Variants in CHFR observed in about 807,000 individuals in gnomAD.
CHFR encodes the protein E3 ubiquitin-protein ligase CHFR.
Under a neutral mutation model 87.6 loss-of-function variants are expected in CHFR, and 57 were observed. That is an observed-to-expected ratio of 0.65 (90% CI 0.53 to 0.81). The LOEUF (loss-of-function observed/expected upper bound fraction) is 0.81, where lower values mean the gene tolerates loss of function less well. CHFR is among the 30% of genes least tolerant of loss of function. The pLI, the probability that CHFR is intolerant of heterozygous loss-of-function variation, is 0.00. For missense variants in CHFR, 797 were observed against 865.8 expected (o/e 0.92, Z 1.00); for synonymous variants, 381 against 359.2 (o/e 1.06, Z -0.69).
At chr12:132,876,544 C>T (rs890008027) in intron 3 of CHFR, among the ~76,000 whole-genome samples, 158 of 152,192 alleles carry the variant, frequency 1.0e-3, no homozygotes, top group East Asian at 1.9e-4. Flanking sequence ...TGTACAAGAA[C>T]GAGAATTTAT....
intron 5 of CHFR, among the ~76,000 whole-genome samples, chr12:132,870,110 T>C (rs765292975): frequency 2.0e-5 from 3 of 151,676 alleles, no homozygotes; most frequent in African/African-American, 7.3e-5. Flanking sequence ...CCCAGCACTT[T>C]GGGAGGCTGA....
intron 2 of CHFR, among the ~76,000 whole-genome samples, chr12:132,884,423 A>AAG (rs1951840113): frequency 6.6e-6 from 1 of 151,082 alleles, no homozygotes; most frequent in African/African-American, 2.4e-5. Context: ...CTCAAAAAAA[A>AAG]AAATACATAT....
At chr12:132,863,155 CA>C (rs1445140460) in intron 6 of CHFR, among the ~76,000 whole-genome samples, 4 of 150,032 alleles carry the variant, frequency 2.7e-5, no homozygotes, top group Admixed American at 6.6e-5. Context: ...CTCGGCCTCC[CA>C]AAGTGCTGGG....
chr12:132,843,391 A>T (rs1420212904), intron 16 of CHFR, among the ~76,000 whole-genome samples: 2 of 152,104 alleles, frequency 1.3e-5, no homozygotes, highest in Non-Finnish European at 2.9e-5. Flanking sequence ...ACACCACTGC[A>T]CTTCAGCCTG....
At chr12:132,857,686 C>A in intron 8 of CHFR, 127 bp from the exon 9 acceptor site, 1 of 846,462 alleles carries the variant, frequency 1.2e-6, no homozygotes, top group Non-Finnish European at 1.8e-6. Flanking sequence ...ACCTAAAAAC[C>A]CTTTAAGTCA....
chr12:132,856,695 A>G (rs765727915), intron 9 of CHFR, 65 bp from the exon 10 acceptor site: 11 of 1,555,094 alleles, frequency 7.1e-6, no homozygotes, highest in Middle Eastern at 1.7e-4. Flanking sequence ...CACAGCTCAC[A>G]CTGCTGGGAG....
At chr12:132,887,464 G>T in intron 1 of CHFR, 83 bp downstream of exon 1, 1 of 665,534 alleles carries the variant, frequency 1.5e-6, no homozygotes, top group Non-Finnish European at 1.9e-6. Flanking sequence ...GCCCGGCCTG[G>T]ACGCCGGCGG....
In CHFR at chr12:132,834,712, CTTTTT is replaced by C. The variant is rs60018437; in HGVS notation, c.*6837_*6841del. 2 of 135,364 alleles carry C rather than the reference CTTTTT, an allele frequency of 1.5e-5. No homozygotes were observed. Among genetic ancestry groups the C allele is most frequent in the Non-Finnish European group, 3.2e-5 (2 of 63,042 alleles). The allele number at this position is 135,364 out of a possible 1,614,324, so 8.4% of individuals were successfully genotyped here. A position where few individuals can be genotyped will look rare whatever the true frequency, so the allele number is the denominator to read the frequency against. Reference sequence around the variant, plus strand: ...CTTCCTGCCTTTGACTTCTTGCTTGCTTTTTTTTTTTTTTTTTTTTTGAGATAGAG... The same window carrying C: ...CTTCCTGCCTTTGACTTCTTGCTTGCTTTTTTTTTTTTTTTTGAGATAGAG... On this transcript the variant is annotated 3_prime_UTR_variant, in exon 18 of 18. Transcript: ENST00000450056.
intron 16 of CHFR, 43 bp from the exon 17 acceptor site, chr12:132,843,126 C>G: frequency 6.4e-7 from 1 of 1,555,218 alleles, no homozygotes; most frequent in Non-Finnish European, 8.8e-7. Context: ...ATGTATTGCA[C>G]GCACCCACTC....
rs1260717996 is a variant in CHFR at position 132,843,061 on chromosome 12, G to A, written c.1866C>T (p.Asp622=). ...TGCGGCAGTTACGGCCCCAGTAGCA[G>A]TCAGGACGGGATGTTACGGCCACTG... ...ELPVAVTSRP[D]CYWGRNCRTQ... is the part of the protein sequence containing the mutation. Residue 622 remains aspartate, a synonymous_variant, in exon 17 of 18, where the codon GAC becomes GAT. Coordinates refer to ENST00000450056, the MANE Select transcript of CHFR (RefSeq NM_001161346.2). 1 of 1,613,506 alleles carries A rather than the reference G, an allele frequency of 6.2e-7. No individual in the cohort carries two copies. Among genetic ancestry groups the A allele is most frequent in the Admixed American group, 1.7e-5 (1 of 59,948 alleles).
chr12:132,840,327 C>CA lies in CHFR; in HGVS notation c.*1226dup, dbSNP rs3832803. 40,341 of 152,380 alleles carry CA rather than the reference C, an allele frequency of 0.26. 5,680 individuals carry two copies. The highest frequency in any genetic ancestry group is 0.42 in the Middle Eastern group (124 of 294). The allele number at this position is 152,380 out of a possible 1,614,324, so 9.4% of individuals were successfully genotyped here. ...CTCGCATGGGGAAGTGAGGCAGCCC[C>CA]AGACACGAGCCCAACACGAGAGCGG... On this transcript the variant is annotated 3_prime_UTR_variant, in exon 18 of 18. Coordinates refer to ENST00000450056, the MANE Select transcript of CHFR (RefSeq NM_001161346.2).
intron 2 of CHFR, among the ~76,000 whole-genome samples, chr12:132,883,761 C>T (rs1951821772): frequency 6.6e-6 from 1 of 152,166 alleles, no homozygotes; most frequent in South Asian, 2.1e-4. Context: ...GTTACCTAGG[C>T]TTTCCCTTTT....
chr12:132,863,057 C>T (rs565883032), intron 6 of CHFR, among the ~76,000 whole-genome samples: 2 of 141,748 alleles, frequency 1.4e-5, no homozygotes, highest in African/African-American at 2.6e-5. Flanking sequence ...CCACCACGCC[C>T]GGCTAATTTT....
intron 2 of CHFR, among the ~76,000 whole-genome samples, chr12:132,886,798 T>C (rs935392090): frequency 1.3e-5 from 2 of 152,196 alleles, no homozygotes; most frequent in Admixed American, 6.6e-5. Context: ...CAAAACAAGG[T>C]CCCCGTTGTA....
intron 3 of CHFR, among the ~76,000 whole-genome samples, chr12:132,873,749 G>A (rs909187438): frequency 1.1e-4 from 17 of 152,180 alleles, no homozygotes; most frequent in African/African-American, 3.1e-4. Flanking sequence ...GAGTGTGCAC[G>A]GACTTGGGTG....
At position 132,869,524 on chromosome 12, in the gene CHFR, C is replaced by T; in HGVS notation, c.583+95G>A. ...CACTACTGAGAACCTCATGCCAGTC[C>T]TCAGTCGCTTATCTGCCTCTGTAAC... On this transcript the variant is annotated intron_variant, in intron 6 of 17. Coordinates refer to ENST00000450056, the MANE Select transcript of CHFR (RefSeq NM_001161346.2). 3.4e-6 allele frequency: 4 copies of T among 1,161,504 alleles called. No homozygotes were observed. The Admixed American group carries it at 6.2e-5, about 18-fold the overall frequency. The allele number at this position is 1,161,504 out of a possible 1,614,324, so 71.9% of individuals were successfully genotyped here. A position where few individuals can be genotyped will look rare whatever the true frequency, so the allele number is the denominator to read the frequency against.
At chr12:132,848,479 A>G (rs1363523793) in intron 13 of CHFR, 162 bp downstream of exon 13, 1 of 694,980 alleles carries the variant, frequency 1.4e-6, no homozygotes, top group Non-Finnish European at 2.5e-6. Flanking sequence ...CACGAATTTG[A>G]CACACCTCTG....
At chr12:132,848,387 G>GT (rs1201435663) in intron 13 of CHFR, 35 of 796,870 alleles carry the variant, frequency 4.4e-5, no homozygotes, top group Admixed American at 3.4e-4. Flanking sequence ...TCTTGGTATC[G>GT]TAACAGCAGA....
chr12:132,850,525 C>T lies in CHFR; in HGVS notation c.1492+1093G>A, dbSNP rs11147108. Reference sequence around the variant, plus strand: ...AGCATCAGCAGTGGCCAGCGCCTGCCGTGGATGACCCCCGAGGCAGCGACC... The same window carrying T: ...AGCATCAGCAGTGGCCAGCGCCTGCTGTGGATGACCCCCGAGGCAGCGACC... On this transcript the variant is annotated intron_variant, in intron 12 of 17. Transcript: ENST00000450056. Among the ~76,000 whole-genome samples, 291 of 152,274 alleles carry T rather than the reference C, an allele frequency of 1.9e-3. 6 individuals are homozygous for T. In the East Asian group the frequency reaches 0.045, roughly 23 times the overall value.
Sources: allele counts gnomAD v4.1 joint callset (sites outside exome capture counted in the v4.1 genomes callset), GRCh38; gene constraint gnomAD v4.1.1; transcripts MANE v1.5; gene names NCBI Gene and HGNC (gene_info 2026-07-23, HGNC 2026-07-21).